ROBO1: variants seen among roughly 807,000 people sequenced by gnomAD.
ROBO1 encodes the protein roundabout homolog 1.
A neutral mutation model predicts 195.9 loss-of-function variants in ROBO1; 149 were observed. The observed-to-expected ratio is 0.76, with a 90% CI of 0.67 to 0.87. ROBO1 has a LOEUF of 0.87. Ranked by LOEUF, ROBO1 falls within the 40% of genes least tolerant of loss-of-function variation. ROBO1 has a pLI of 0.00. For synonymous variants in ROBO1, 816 were observed against 733.2 expected (o/e 1.11, Z -1.82); for missense variants, 1,933 against 2,068.3 (o/e 0.93, Z 1.27).
At chr3:79,386,176 A>G (rs891771274) in intron 2 of ROBO1, among the ~76,000 whole-genome samples, 4 of 152,130 alleles carry the variant, frequency 2.6e-5, no homozygotes, top group African/African-American at 7.2e-5. Flanking sequence ...GACATATCAG[A>G]ATATGTGATT....
intron 2 of ROBO1, among the ~76,000 whole-genome samples, chr3:79,178,178 ATGTTT>A (rs1437332445): frequency 6.6e-6 from 1 of 152,248 alleles, no homozygotes; most frequent in African/African-American, 2.4e-5. Context: ...AACACTGTAC[ATGTTT>A]TGTTCCTTTT....
intron 4 of ROBO1, among the ~76,000 whole-genome samples, chr3:78,755,086 G>A (rs2082894705): frequency 6.6e-6 from 1 of 152,162 alleles, no homozygotes; most frequent in African/African-American, 2.4e-5. Flanking sequence ...GAAGCCACTG[G>A]AGTCTTAAGC....
intron 4 of ROBO1, among the ~76,000 whole-genome samples, chr3:78,896,955 C>T (rs900156715): frequency 3.9e-5 from 6 of 152,126 alleles, no homozygotes; most frequent in Admixed American, 1.3e-4. Flanking sequence ...TCACAATCAA[C>T]GGAGGCAGGA....
intron 3 of ROBO1, among the ~76,000 whole-genome samples, chr3:79,060,585 G>A (rs1251300120): frequency 6.6e-6 from 1 of 151,876 alleles, no homozygotes; most frequent in Non-Finnish European, 1.5e-5. Context: ...ATTGGGGGCT[G>A]GTTCCCCCCA....
intron 2 of ROBO1, among the ~76,000 whole-genome samples, chr3:79,448,244 G>T (rs2107178380): frequency 6.6e-6 from 1 of 152,166 alleles, no homozygotes; most frequent in African/African-American, 2.4e-5. Flanking sequence ...ATTCTATCAT[G>T]GTATGCTCTA....
At chr3:79,241,802 G>A (rs2082524001) in intron 2 of ROBO1, among the ~76,000 whole-genome samples, 1 of 151,422 alleles carries the variant, frequency 6.6e-6, no homozygotes, top group Admixed American at 6.6e-5. Flanking sequence ...TGGTGTTATG[G>A]GGTTATTTAA....
rs868414275 is a variant in ROBO1, at chr3:78,939,472, G to C, written c.173-545C>G. ...TACTAAAAAAAAAAAAAAAAAATTA[G>C]CCTGGCGTGGTGGCGGACACCTGAA... On this transcript the variant is annotated intron_variant, in intron 3 of 30. Coordinates refer to ENST00000464233, the MANE Select transcript of ROBO1 (RefSeq NM_002941.4). 1.2e-4 allele frequency among the ~76,000 whole-genome samples: 18 copies of C among 147,044 alleles called. 1 individual carries two copies. Among genetic ancestry groups the C allele is most frequent in the African/African-American group, 4.6e-4 (18 of 39,248 alleles).
intron 3 of ROBO1, among the ~76,000 whole-genome samples, chr3:79,059,362 G>A (rs1012498879): frequency 6.6e-6 from 1 of 151,968 alleles, no homozygotes; most frequent in African/African-American, 2.4e-5. Context: ...AGTCTACTGG[G>A]GGCTCCACTG....
intron 2 of ROBO1, among the ~76,000 whole-genome samples, chr3:79,584,748 C>A (rs1229587120): frequency 1.3e-5 from 2 of 150,708 alleles, no homozygotes; most frequent in Non-Finnish European, 1.5e-5. Context: ...CCCTCTGCAA[C>A]CTTCACTAAG....
At chr3:79,323,153 C>A (rs2034060437) in intron 2 of ROBO1, among the ~76,000 whole-genome samples, 2 of 151,838 alleles carry the variant, frequency 1.3e-5, no homozygotes, top group South Asian at 4.1e-4. Flanking sequence ...ACGATCGCAG[C>A]TCACTGCAAC....
intron 2 of ROBO1, among the ~76,000 whole-genome samples, chr3:79,478,345 A>G (rs1938649626): frequency 6.6e-6 from 1 of 152,086 alleles, no homozygotes; most frequent in African/African-American, 2.4e-5. Context: ...CCAAGGGTTA[A>G]GAAATACAGC....
At chr3:78,720,193 T>A (rs994056925) in intron 5 of ROBO1, among the ~76,000 whole-genome samples, 1 of 152,200 alleles carries the variant, frequency 6.6e-6, no homozygotes, top group African/African-American at 2.4e-5. Flanking sequence ...TAATTCCTCA[T>A]GGGAGCCCCT....
chr3:79,055,938 G>A (rs1430019088), intron 3 of ROBO1, among the ~76,000 whole-genome samples: 1 of 152,036 alleles, frequency 6.6e-6, no homozygotes, highest in Non-Finnish European at 1.5e-5. Flanking sequence ...TGAGAATGTG[G>A]AACCTTCTCT....
chr3:79,585,715 T>A (rs1028365957), intron 2 of ROBO1, among the ~76,000 whole-genome samples: 6 of 151,996 alleles, frequency 3.9e-5, no homozygotes, highest in Admixed American at 2.6e-4. Context: ...GCCTGTTAGA[T>A]AATTTGTAGA....
chr3:78,788,056 C>T (rs2083896418), intron 4 of ROBO1, among the ~76,000 whole-genome samples: 1 of 151,382 alleles, frequency 6.6e-6, no homozygotes. Context: ...TCTCCTGCCT[C>T]AGCCTCCCGA....
chr3:78,900,159 T>C (rs1001931730), intron 4 of ROBO1, among the ~76,000 whole-genome samples: 2 of 152,154 alleles, frequency 1.3e-5, no homozygotes, highest in Admixed American at 6.6e-5. Context: ...AAAAGTTCAG[T>C]TACACATAAC....
chr3:79,525,010 A>C (rs1941365889), intron 2 of ROBO1, among the ~76,000 whole-genome samples: 1 of 151,950 alleles, frequency 6.6e-6, no homozygotes, highest in African/African-American at 2.4e-5. Context: ...GAGAAGTTTC[A>C]GACATATCTA....
intron 2 of ROBO1, among the ~76,000 whole-genome samples, chr3:79,575,442 AAT>A (rs1268679561): frequency 2.3e-5 from 3 of 133,218 alleles, no homozygotes; most frequent in South Asian, 2.2e-4. Context: ...ATATATAACA[AAT>A]ATATATAAAT....
At chr3:79,732,006 G>A (rs1187158533) in intron 1 of ROBO1, among the ~76,000 whole-genome samples, 1 of 152,040 alleles carries the variant, frequency 6.6e-6, no homozygotes, top group East Asian at 1.9e-4. Context: ...GAACAACATT[G>A]CATGAATTTC....
Sources: gnomAD v4.1 joint callset for allele counts (sites outside exome capture counted in the v4.1 genomes callset) on GRCh38, gnomAD v4.1.1 for gene constraint, MANE v1.5 for transcripts, NCBI Gene and HGNC (gene_info 2026-07-23, HGNC 2026-07-21) for gene names.